The following DDAH1 variants were observed in gnomAD, a reference collection of about 807,000 sequenced individuals.
DDAH1 encodes dimethylarginine dimethylaminohydrolase 1.
Under a neutral mutation model 28.8 loss-of-function variants are expected in DDAH1, and 19 were observed. The observed-to-expected ratio is 0.66, with a 90% CI of 0.46 to 0.97. DDAH1 has a LOEUF of 0.97. Ranked by LOEUF, DDAH1 falls within the 50% of genes least tolerant of loss-of-function variation. The probability of loss-of-function intolerance (pLI) is 0.00; values close to 1 mark genes in which losing one functional copy is unlikely to be tolerated. For synonymous variants in DDAH1, 153 were observed against 154.4 expected, an observed-to-expected ratio of 0.99 and a Z score of 0.07; for missense variants, 326 against 375.9, an observed-to-expected ratio of 0.87 and a Z score of 1.10.
intron 1 of DDAH1, among the ~76,000 whole-genome samples, chr1:85,414,348 CATT>C: frequency 6.6e-6 from 1 of 152,284 alleles, no homozygotes; most frequent in East Asian, 1.9e-4. Flanking sequence ...TATAAGAATA[CATT>C]CCAAATGGAA....
At chr1:85,465,890 C>T (rs1017966721), upstream of DDAH1, among the ~76,000 whole-genome samples, 3 of 152,188 alleles carry the variant, frequency 2.0e-5, no homozygotes, top group Non-Finnish European at 4.4e-5. Flanking sequence ...TTGCTTGTAT[C>T]CTTTTAAAAT....
intron 1 of DDAH1, among the ~76,000 whole-genome samples, chr1:85,436,442 C>A (rs1237523312): frequency 6.6e-6 from 1 of 152,124 alleles, no homozygotes; most frequent in Non-Finnish European, 1.5e-5. Context: ...TTGGCCAAAA[C>A]CCCAGGGAAA....
At chr1:85,529,208 C>G (rs1205305955) in intron 1 of DDAH1, among the ~76,000 whole-genome samples, 2 of 152,110 alleles carry the variant, frequency 1.3e-5, no homozygotes, top group African/African-American at 2.4e-5. Flanking sequence ...AATCCTGACT[C>G]TAATTCAGAG....
intron 2 of DDAH1, chr1:85,495,350 G>A (rs1192377843): frequency 6.6e-6 from 1 of 152,074 alleles, no homozygotes; most frequent in Non-Finnish European, 1.5e-5. Context: ...AAGAAAGAGA[G>A]GTCTTCATGC....
At chr1:85,342,637 A>G (rs1345165347) in intron 4 of DDAH1, among the ~76,000 whole-genome samples, 1 of 152,170 alleles carries the variant, frequency 6.6e-6, no homozygotes, top group African/African-American at 2.4e-5. Flanking sequence ...CTAGTTTTCT[A>G]TGGCTTTAAT....
chr1:85,560,480 G>T (rs1222471171), intron 1 of DDAH1, among the ~76,000 whole-genome samples: 2 of 152,048 alleles, frequency 1.3e-5, no homozygotes, highest in Non-Finnish European at 1.5e-5. Flanking sequence ...TATGGCGTTT[G>T]TAACATATAT....
chr1:85,504,026 G>T (rs72724681), intron 1 of DDAH1, among the ~76,000 whole-genome samples: 47,478 of 152,086 alleles, frequency 0.31, 8,253 homozygotes, highest in South Asian at 0.51. Context: ...GGAAAGGATT[G>T]GAAGGTTTCA....
chr1:85,503,559 A>ATCTC (rs1656901961), intron 1 of DDAH1, among the ~76,000 whole-genome samples: 1 of 151,840 alleles, frequency 6.6e-6, no homozygotes. Flanking sequence ...CTATCTATCT[A>ATCTC]TCTATCTATC....
At chr1:85,496,335 CTAA>C (rs1441027956) in intron 1 of DDAH1, 1 of 337,262 alleles carries the variant, frequency 3.0e-6, no homozygotes, top group Non-Finnish European at 4.2e-6. Context: ...TTTAATACCT[CTAA>C]TATATTTCTG....
Position 85,333,092 on chromosome 1 carries a change from T to C in DDAH1, c.598-8209A>G, listed in dbSNP as rs149375654. On this transcript the variant is annotated intron_variant, in intron 4 of 5. Transcript: ENST00000284031. ...CCCGGGACCCAAGAACAGGCATGCTTGGTCTGCCGCTGCCAACAGCAGGGC... is the reference window on the plus strand; with the variant it reads ...CCCGGGACCCAAGAACAGGCATGCTCGGTCTGCCGCTGCCAACAGCAGGGC... Among the ~76,000 whole-genome samples the C allele has an allele frequency of 5.7e-3, 863 of 152,316 alleles. 5 individuals carry two copies. The highest frequency in any genetic ancestry group is 0.02 in the African/African-American group (811 of 41,576).
In DDAH1 at chr1:85,321,226, T is replaced by G; in HGVS notation, c.*226A>C. The G allele has an allele frequency of 2.0e-6, 1 of 504,012 alleles. No individual in the cohort carries two copies. The highest frequency in any genetic ancestry group is 3.6e-6 in the Non-Finnish European group (1 of 279,462). The allele number at this position is 504,012 out of a possible 1,614,324, so 31.2% of individuals were successfully genotyped here. ...TTTGATAATTCATTAGCTCTGTATC[T>G]TCTAGGTTGCTTAATTCATTTAGCA... On this transcript the variant is annotated 3_prime_UTR_variant, in exon 6 of 6. Transcript: ENST00000284031.
chr1:85,324,714 A>C (rs1647263282), intron 5 of DDAH1, 26 bp downstream of exon 5: 3 of 1,612,954 alleles, frequency 1.9e-6, no homozygotes, highest in Non-Finnish European at 1.7e-6. Context: ...ACCCAGCTGC[A>C]GTGGTCAGAA....
rs1354015530 is a variant in DDAH1 at position 85,506,236 on chromosome 1, G to C, written c.-122-9955C>G. Among the ~76,000 whole-genome samples the C allele has an allele frequency of 2.6e-5, 4 of 152,094 alleles. No homozygotes were observed. The East Asian group carries it at 7.7e-4, about 29-fold the overall frequency. On this transcript the variant is annotated intron_variant, in intron 1 of 6. Coordinates refer to the DDAH1 transcript ENST00000426972. ...TTGAAGTATTCACCAGATTTCACCA[G>C]GAAAAGGATGCAGAAAGTCTTCCCA...
At chr1:85,546,544 G>A (rs931591797) in intron 1 of DDAH1, among the ~76,000 whole-genome samples, 6 of 152,124 alleles carry the variant, frequency 3.9e-5, no homozygotes, top group Non-Finnish European at 5.9e-5. Flanking sequence ...GATCATGCAA[G>A]AACAGAAGGC....
chr1:85,400,638 G>T (rs921220511), intron 1 of DDAH1, among the ~76,000 whole-genome samples: 2 of 152,102 alleles, frequency 1.3e-5, no homozygotes, highest in South Asian at 2.1e-4. Flanking sequence ...GTCCACATGG[G>T]ATCCCCAGGA....
At chr1:85,364,897 A>G (rs1170102821) in intron 1 of DDAH1, among the ~76,000 whole-genome samples, 2 of 152,222 alleles carry the variant, frequency 1.3e-5, no homozygotes, top group Non-Finnish European at 2.9e-5. Flanking sequence ...GGGATCGAAC[A>G]GACATTTTGT....
At chr1:85,536,838 A>T (rs1323466694) in intron 1 of DDAH1, among the ~76,000 whole-genome samples, 2 of 151,708 alleles carry the variant, frequency 1.3e-5, no homozygotes, top group Non-Finnish European at 2.9e-5. Context: ...GAAATCAGTT[A>T]TGATGAAGAG....
chr1:85,483,941 A>G (rs1389109639), intron 2 of DDAH1, among the ~76,000 whole-genome samples: 1 of 152,226 alleles, frequency 6.6e-6, no homozygotes, highest in Non-Finnish European at 1.5e-5. Context: ...CTCTAATGCT[A>G]TGTCTTAAAG....
chr1:85,404,628 A>G (rs2100584880), intron 1 of DDAH1: 7 of 866,356 alleles, frequency 8.1e-6, no homozygotes, highest in Non-Finnish European at 1.1e-5. Context: ...CAAGAGTTCA[A>G]TGATACTGTA....
Sources: gnomAD v4.1 joint callset for allele counts (sites outside exome capture counted in the v4.1 genomes callset) on GRCh38, gnomAD v4.1.1 for gene constraint, MANE v1.5 for transcripts, NCBI Gene and HGNC (gene_info 2026-07-23, HGNC 2026-07-21) for gene names.